HS1BP3: variants seen among roughly 807,000 people sequenced by gnomAD.
HS1BP3 encodes HCLS1-binding protein 3.
HS1BP3 carries 32 observed loss-of-function variants against 33.5 expected under a neutral mutation model. The observed-to-expected ratio is 0.95, with a 90% CI of 0.72 to 1.28. The LOEUF (loss-of-function observed/expected upper bound fraction) is 1.28. HS1BP3 is among the 50% of genes most tolerant of loss of function. HS1BP3 has a pLI of 0.00. For synonymous variants in HS1BP3, 187 were observed against 209.2 expected (o/e 0.89, Z 0.92); for missense variants, 486 against 502.3 (o/e 0.97, Z 0.31).
At chr2:20,564,272 G>A (rs1013639293) in intron 5 of HS1BP3, among the ~76,000 whole-genome samples, 14 of 152,126 alleles carry the variant, frequency 9.2e-5, no homozygotes, top group African/African-American at 2.7e-4. Context: ...CCTCTCAGGT[G>A]GTCTACTGCA....
intron 2 of HS1BP3, among the ~76,000 whole-genome samples, chr2:20,607,502 C>A (rs1439213175): frequency 6.6e-6 from 1 of 152,164 alleles, no homozygotes; most frequent in African/African-American, 2.4e-5. Context: ...AATACAATTT[C>A]TTGGGAGGCT....
Position 20,619,273 on chromosome 2 carries a change from G to A in HS1BP3, c.921-28C>T, listed in dbSNP as rs114715358. The A allele has an allele frequency of 1.3e-3, 1,951 of 1,530,840 alleles. 23 individuals carry two copies. In the African/African-American group the frequency reaches 0.024, roughly 19 times the overall value. The allele number at this position is 1,530,840 out of a possible 1,614,324, so 94.8% of individuals were successfully genotyped here. A position where few individuals can be genotyped will look rare whatever the true frequency, so the allele number is the denominator to read the frequency against. Reference sequence around the variant, plus strand: ...AGGGAACCACAGGGAGGAACCCTGAGCATAACACTGCCACCCCGTGACAGG... The same window carrying A: ...AGGGAACCACAGGGAGGAACCCTGAACATAACACTGCCACCCCGTGACAGG... On this transcript the variant is annotated intron_variant, in intron 6 of 6. Coordinates refer to ENST00000304031, the MANE Select transcript of HS1BP3 (RefSeq NM_022460.4).
chr2:20,645,224 G>T, intron 2 of HS1BP3, 116 bp downstream of exon 2: 1 of 1,046,934 alleles, frequency 9.6e-7, no homozygotes, highest in South Asian at 1.5e-5. Context: ...CCCTGAGCAA[G>T]CAACAGACAG....
chr2:20,622,644 A>T (rs1694642396), intron 6 of HS1BP3: 2 of 261,458 alleles, frequency 7.6e-6, no homozygotes, highest in Non-Finnish European at 1.6e-5. Context: ...TTTAGAATAA[A>T]CTAGGCCAGA....
intron 5 of HS1BP3, among the ~76,000 whole-genome samples, chr2:20,566,573 TG>T (rs1693132809): frequency 6.6e-6 from 1 of 151,744 alleles, no homozygotes; most frequent in Non-Finnish European, 1.5e-5. Flanking sequence ...CAGGCAGCTG[TG>T]AGGCCAGGGA....
chr2:20,566,736 A>G (rs895154423), intron 5 of HS1BP3, among the ~76,000 whole-genome samples: 12 of 151,644 alleles, frequency 7.9e-5, no homozygotes, highest in African/African-American at 2.9e-4. Flanking sequence ...CCTCCCGACT[A>G]GCTGGGATTA....
At chr2:20,561,007 G>A (rs1383588168) in intron 5 of HS1BP3, among the ~76,000 whole-genome samples, 1 of 152,170 alleles carries the variant, frequency 6.6e-6, no homozygotes, top group Non-Finnish European at 1.5e-5. Context: ...AGTGAATCCA[G>A]AGAGAGCAGC....
intron 3 of HS1BP3, among the ~76,000 whole-genome samples, chr2:20,596,766 C>T (rs935635179): frequency 6.6e-6 from 1 of 152,224 alleles, no homozygotes; most frequent in Non-Finnish European, 1.5e-5. Flanking sequence ...AGCCTTCCTC[C>T]TGCTGTGTCT....
intron 5 of HS1BP3, among the ~76,000 whole-genome samples, chr2:20,577,376 C>T (rs1272619179): frequency 6.6e-6 from 1 of 152,150 alleles, no homozygotes; most frequent in African/African-American, 2.4e-5. Flanking sequence ...AGCTTCCCAA[C>T]CATTGGCTGG....
chr2:20,616,862 C>T (rs182978249), downstream of HS1BP3, among the ~76,000 whole-genome samples: 86 of 152,198 alleles, frequency 5.7e-4, no homozygotes, highest in African/African-American at 1.8e-3. Context: ...CTTTATCAGG[C>T]GACAAGGATC....
intron 2 of HS1BP3, among the ~76,000 whole-genome samples, chr2:20,601,695 C>T (rs903318527): frequency 1.6e-4 from 25 of 151,926 alleles, no homozygotes; most frequent in African/African-American, 5.8e-4. Context: ...ATTGTGAGGC[C>T]TCCCCAGCCA....
downstream of HS1BP3, among the ~76,000 whole-genome samples, chr2:20,614,390 G>A (rs1201682969): frequency 6.6e-6 from 1 of 152,228 alleles, no homozygotes; most frequent in Admixed American, 6.5e-5. Context: ...GTAACAAACT[G>A]TCCATGCTGG....
At chr2:20,584,766 C>A (rs907386429) in intron 5 of HS1BP3, among the ~76,000 whole-genome samples, 3 of 152,094 alleles carry the variant, frequency 2.0e-5, no homozygotes, top group African/African-American at 7.2e-5. Context: ...GCTCATGGGG[C>A]TGGAGGGACA....
chr2:20,566,252 T>C (rs4666424), intron 5 of HS1BP3, among the ~76,000 whole-genome samples: 84 of 152,160 alleles, frequency 5.5e-4, no homozygotes, highest in Middle Eastern at 6.8e-3. Flanking sequence ...ACTGCCCATC[T>C]CCCCCGCCTG....
chr2:20,558,822 G>A (rs895947382), downstream of HS1BP3, among the ~76,000 whole-genome samples: 1 of 152,198 alleles, frequency 6.6e-6, no homozygotes, highest in Non-Finnish European at 1.5e-5. Context: ...TCTACTGGGG[G>A]GCCCATGACC....
intron 6 of HS1BP3, among the ~76,000 whole-genome samples, chr2:20,621,958 G>A (rs561038842): frequency 6.6e-6 from 1 of 152,188 alleles, no homozygotes; most frequent in Non-Finnish European, 1.5e-5. Flanking sequence ...CAACCAGTGG[G>A]GGGTAAGGGA....
intron 1 of HS1BP3, among the ~76,000 whole-genome samples, chr2:20,650,459 T>C (rs1028069696): frequency 1.2e-4 from 19 of 152,254 alleles, no homozygotes; most frequent in Non-Finnish European, 1.5e-5. Flanking sequence ...TGCGCTCTCC[T>C]GAGCTGCCTC....
chr2:20,632,401 G>A (rs1168489923), intron 4 of HS1BP3, among the ~76,000 whole-genome samples: 1 of 152,220 alleles, frequency 6.6e-6, no homozygotes, highest in Non-Finnish European at 1.5e-5. Flanking sequence ...ATCAAAAACC[G>A]AGAGTGAACA....
At chr2:20,573,404 G>T (rs1387190797) in intron 5 of HS1BP3, among the ~76,000 whole-genome samples, 1 of 152,140 alleles carries the variant, frequency 6.6e-6, no homozygotes, top group Non-Finnish European at 1.5e-5. Context: ...CACAACCCGT[G>T]GTACTTTGAG....
Sources: gnomAD v4.1 joint callset for allele counts (sites outside exome capture counted in the v4.1 genomes callset) on GRCh38, gnomAD v4.1.1 for gene constraint, MANE v1.5 for transcripts, NCBI Gene and HGNC (gene_info 2026-07-23, HGNC 2026-07-21) for gene names.